The following KIAA1217 variants were observed in gnomAD, a reference collection of about 807,000 sequenced individuals.
KIAA1217 encodes the protein sickle tail protein homolog.
Under a neutral mutation model 163.9 loss-of-function variants are expected in KIAA1217, and 88 were observed. The ratio of observed to expected loss-of-function variants is 0.54; its 90% CI spans 0.45 to 0.64. The LOEUF is 0.64. KIAA1217 is among the 30% of genes least tolerant of loss of function. The probability of loss-of-function intolerance (pLI) is 0.00; values close to 1 mark genes in which losing one functional copy is unlikely to be tolerated. For synonymous variants in KIAA1217, 903 were observed against 923.1 expected, an observed-to-expected ratio of 0.98 and a Z score of 0.39; for missense variants, 2,372 against 2,475.0, an observed-to-expected ratio of 0.96 and a Z score of 0.88.
At chr10:24,406,220 C>T (rs1353541539) in intron 3 of KIAA1217, among the ~76,000 whole-genome samples, 1 of 152,074 alleles carries the variant, frequency 6.6e-6, no homozygotes, top group Non-Finnish European at 1.5e-5. Context: ...AAGCTATAAG[C>T]ATAGAAATGA....
chr10:24,343,764 C>T (rs999418020), intron 2 of KIAA1217, among the ~76,000 whole-genome samples: 1 of 152,184 alleles, frequency 6.6e-6, no homozygotes, highest in East Asian at 1.9e-4. Flanking sequence ...TATTTTGAGG[C>T]AAGGAGTTTG....
At chr10:24,228,597 G>A (rs975875316) in intron 2 of KIAA1217, among the ~76,000 whole-genome samples, 1 of 152,122 alleles carries the variant, frequency 6.6e-6, no homozygotes, top group African/African-American at 2.4e-5. Flanking sequence ...CACCATGACA[G>A]AGAGAGACAG....
At chr10:24,201,975 G>A (rs2130529813) in intron 2 of KIAA1217, among the ~76,000 whole-genome samples, 1 of 152,226 alleles carries the variant, frequency 6.6e-6, no homozygotes, top group South Asian at 2.1e-4. Context: ...CTGGTGTTCT[G>A]AGACCCCCGA....
At chr10:24,310,658 G>T (rs1296149751) in intron 2 of KIAA1217, among the ~76,000 whole-genome samples, 1 of 152,116 alleles carries the variant, frequency 6.6e-6, no homozygotes, top group African/African-American at 2.4e-5. Context: ...CCTTGCTCCA[G>T]GTGTGCCTCT....
At chr10:23,811,250 GTA>G (rs1385637387) in intron 1 of KIAA1217, among the ~76,000 whole-genome samples, 7 of 141,904 alleles carry the variant, frequency 4.9e-5, no homozygotes. Context: ...ATTATATATA[GTA>G]TATATAATAT....
intron 1 of KIAA1217, among the ~76,000 whole-genome samples, chr10:23,938,529 A>C (rs543447904): frequency 5.3e-5 from 8 of 152,202 alleles, no homozygotes; most frequent in Non-Finnish European, 1.2e-4. Context: ...TACAACAATA[A>C]AAAGATACAA....
chr10:24,113,455 A>C (rs980243621), intron 2 of KIAA1217, among the ~76,000 whole-genome samples: 4 of 152,194 alleles, frequency 2.6e-5, no homozygotes, highest in Admixed American at 2.6e-4. Context: ...AAAGCTTTTT[A>C]AGGAAGCCAG....
chr10:24,127,471 C>T (rs1489558012), intron 2 of KIAA1217, among the ~76,000 whole-genome samples: 6 of 152,108 alleles, frequency 3.9e-5, no homozygotes, highest in Non-Finnish European at 4.4e-5. Flanking sequence ...AGTCCAAAGC[C>T]CTTTCTATCC....
chr10:24,056,852 T>C (rs909253989), intron 2 of KIAA1217, among the ~76,000 whole-genome samples: 3 of 152,276 alleles, frequency 2.0e-5, no homozygotes, highest in Admixed American at 6.5e-5. Flanking sequence ...TCTAGAAATA[T>C]TGAACTGTGG....
chr10:24,433,331 T>C (rs74125416), intron 4 of KIAA1217, 138 bp downstream of exon 4: 2 of 651,662 alleles, frequency 3.1e-6, no homozygotes, highest in African/African-American at 1.9e-5. Context: ...TTTTTGTTTT[T>C]TGTTTTTTGT....
At chr10:24,307,352 G>A (rs546407657) in intron 2 of KIAA1217, among the ~76,000 whole-genome samples, 4 of 152,276 alleles carry the variant, frequency 2.6e-5, no homozygotes, top group Non-Finnish European at 5.9e-5. Flanking sequence ...AGATGTGGCT[G>A]TGACTGCTAT....
chr10:24,031,760 G>A (rs12252133), intron 2 of KIAA1217, among the ~76,000 whole-genome samples: 1,571 of 152,210 alleles, frequency 0.01, 30 homozygotes, highest in African/African-American at 0.037. Flanking sequence ...TGAGTAAAGA[G>A]GGAAAATGGA....
At chr10:24,389,466 G>A (rs573919906) in intron 3 of KIAA1217, among the ~76,000 whole-genome samples, 2 of 151,990 alleles carry the variant, frequency 1.3e-5, no homozygotes, top group African/African-American at 4.8e-5. Context: ...TGAGTTAATG[G>A]GTGTAGCACA....
intron 1 of KIAA1217, among the ~76,000 whole-genome samples, chr10:23,774,722 G>A (rs1343640607): frequency 6.6e-6 from 1 of 152,156 alleles, no homozygotes; most frequent in Non-Finnish European, 1.5e-5. Flanking sequence ...GAAGAAAAAG[G>A]TGCAGTCTGG....
intron 1 of KIAA1217, among the ~76,000 whole-genome samples, chr10:23,883,704 T>G (rs941386823): frequency 3.3e-5 from 5 of 151,948 alleles, no homozygotes; most frequent in African/African-American, 1.2e-4. Context: ...AAATGTATAA[T>G]GACATGTAGC....
chr10:24,172,571 T>C (rs2065682323), intron 2 of KIAA1217, among the ~76,000 whole-genome samples: 2 of 152,230 alleles, frequency 1.3e-5, no homozygotes, highest in East Asian at 1.9e-4. Flanking sequence ...GTACCTATTT[T>C]ACTGAGCCAT....
chr10:24,165,526 G>A (rs2131896989), intron 2 of KIAA1217, among the ~76,000 whole-genome samples: 1 of 152,218 alleles, frequency 6.6e-6, no homozygotes, highest in African/African-American at 2.4e-5. Flanking sequence ...GGAGGTGGAG[G>A]ACCCAGAAGC....
intron 6 of KIAA1217, among the ~76,000 whole-genome samples, chr10:24,484,337 C>T (rs537008333): frequency 1.7e-3 from 251 of 146,820 alleles, no homozygotes; most frequent in Non-Finnish European, 3.2e-3. Flanking sequence ...CTCCGCCTCC[C>T]GGGTTCAAAC....
rs747942736 is a variant in KIAA1217 at position 24,130,811 on chromosome 10, G to C, written c.-170-88815G>C. Among the ~76,000 whole-genome samples the C allele has an allele frequency of 1.8e-3, 268 of 152,056 alleles. 7 individuals are homozygous for C. Among genetic ancestry groups the C allele is most frequent in the Non-Finnish European group, 5.1e-4 (35 of 68,028 alleles). On this transcript the variant is annotated intron_variant, in intron 2 of 18. Coordinates refer to the KIAA1217 transcript ENST00000376462. ...TTCGTCACCATCATTAACTTTTCCA[G>C]CAACTTCTTTATAAAATCTCTGGCT... is the stretch of plus-strand genomic sequence containing the variant.
Sources: allele counts gnomAD v4.1 joint callset (sites outside exome capture counted in the v4.1 genomes callset), GRCh38; gene constraint gnomAD v4.1.1; transcripts MANE v1.5; gene names NCBI Gene and HGNC (gene_info 2026-07-23, HGNC 2026-07-21).